PHACTR1: variants seen among roughly 807,000 people sequenced by gnomAD.
PHACTR1 encodes the protein phosphatase and actin regulator 1.
A neutral mutation model predicts 69.2 loss-of-function variants in PHACTR1; 16 were observed. That is an observed-to-expected ratio of 0.23 (90% CI 0.16 to 0.35). The LOEUF (loss-of-function observed/expected upper bound fraction) is 0.35. Among genes scored for constraint, PHACTR1 ranks in the 10% least tolerant of loss-of-function variants. The pLI is 1.00. For missense variants in PHACTR1, 510 were observed against 734.7 expected (o/e 0.69, Z 3.54); for synonymous variants, 312 against 284.5 (o/e 1.10, Z -0.97).
chr6:13,153,025 AC>A (rs1356357863), intron 5 of PHACTR1, among the ~76,000 whole-genome samples: 1 of 152,138 alleles, frequency 6.6e-6, no homozygotes, highest in Non-Finnish European at 1.5e-5. Context: ...CTGGGAATGT[AC>A]TAGCTCATTA....
chr6:13,111,859 A>G (rs2127908077), intron 5 of PHACTR1, among the ~76,000 whole-genome samples: 1 of 151,874 alleles, frequency 6.6e-6, no homozygotes, highest in Admixed American at 6.6e-5. Flanking sequence ...TAGCTCTAGG[A>G]TATTTACTAA....
At chr6:12,763,558 G>A (rs947853095) in intron 4 of PHACTR1, among the ~76,000 whole-genome samples, 10 of 152,212 alleles carry the variant, frequency 6.6e-5, no homozygotes, top group African/African-American at 2.2e-4. Context: ...ATCAAAGACA[G>A]TGAAGTGAAA....
At chr6:13,268,794 C>A (rs948554219) in intron 10 of PHACTR1, among the ~76,000 whole-genome samples, 7 of 152,180 alleles carry the variant, frequency 4.6e-5, no homozygotes, top group Admixed American at 4.6e-4. Flanking sequence ...ATAGCACAGG[C>A]CCTTCTGGCG....
chr6:12,997,603 A>T (rs991727046), intron 4 of PHACTR1, among the ~76,000 whole-genome samples: 1 of 152,108 alleles, frequency 6.6e-6, no homozygotes, highest in Non-Finnish European at 1.5e-5. Flanking sequence ...CACCTCAAAC[A>T]TTTATCATTT....
chr6:12,992,670 C>T (rs899291441), intron 4 of PHACTR1, among the ~76,000 whole-genome samples: 3 of 152,022 alleles, frequency 2.0e-5, no homozygotes, highest in East Asian at 3.9e-4. Flanking sequence ...AAATTGAGGA[C>T]GCAGATGCAC....
Position 13,137,934 on chromosome 6 carries a change from T to C in PHACTR1, c.416-22270T>C, listed in dbSNP as rs72823006. On this transcript the variant is annotated intron_variant, in intron 5 of 14. Coordinates refer to ENST00000332995, the MANE Select transcript of PHACTR1 (RefSeq NM_030948.6). ...CCTCTTGTGTCCTGAGCATTAAAGA[T>C]AGAGCAGTTTCCCCTGAAGGCAGCA... Among the ~76,000 whole-genome samples, 344 of 152,282 alleles carry C rather than the reference T, an allele frequency of 2.3e-3. 1 individual carries two copies. The highest frequency in any genetic ancestry group is 6.8e-3 in the Middle Eastern group (2 of 294).
At chr6:12,821,483 AAGAGAG>A (rs138381209) in intron 4 of PHACTR1, among the ~76,000 whole-genome samples, 6 of 95,846 alleles carry the variant, frequency 6.3e-5, no homozygotes, top group Admixed American at 1.2e-4. Flanking sequence ...AAAAAAAAAA[AAGAGAG>A]AGAGAGAGAG....
intron 5 of PHACTR1, among the ~76,000 whole-genome samples, chr6:13,096,382 C>T (rs1260606866): frequency 6.6e-6 from 1 of 152,184 alleles, no homozygotes; most frequent in East Asian, 1.9e-4. Flanking sequence ...TTCAAATACA[C>T]AGGCTAATTA....
At chr6:13,149,609 G>A (rs887769841) in intron 5 of PHACTR1, among the ~76,000 whole-genome samples, 7 of 152,074 alleles carry the variant, frequency 4.6e-5, no homozygotes, top group Admixed American at 2.0e-4. Flanking sequence ...TTTTGTTCAC[G>A]TCGACTCTGC....
intron 4 of PHACTR1, among the ~76,000 whole-genome samples, chr6:12,949,651 G>T (rs1022014448): frequency 6.6e-6 from 1 of 152,114 alleles, no homozygotes; most frequent in Non-Finnish European, 1.5e-5. Flanking sequence ...TAAATTTAAA[G>T]AATATATAAA....
At chr6:13,261,817 G>T (rs1333044210) in intron 10 of PHACTR1, among the ~76,000 whole-genome samples, 1 of 152,204 alleles carries the variant, frequency 6.6e-6, no homozygotes, top group East Asian at 1.9e-4. Context: ...TAACGTTAGG[G>T]ATTATTGTCA....
intron 4 of PHACTR1, among the ~76,000 whole-genome samples, chr6:12,788,332 T>C (rs1771807561): frequency 6.6e-6 from 1 of 152,148 alleles, no homozygotes; most frequent in Non-Finnish European, 1.5e-5. Flanking sequence ...CTAGAGGCCA[T>C]GGTCAGGAGA....
chr6:12,901,743 G>A (rs1163739512), intron 4 of PHACTR1, among the ~76,000 whole-genome samples: 3 of 152,200 alleles, frequency 2.0e-5, no homozygotes, highest in Middle Eastern at 3.4e-3. Context: ...TGATCCACCC[G>A]CCTTAGCCTC....
At chr6:12,845,055 T>A (rs958762103) in intron 4 of PHACTR1, among the ~76,000 whole-genome samples, 1 of 152,206 alleles carries the variant, frequency 6.6e-6, no homozygotes, top group Non-Finnish European at 1.5e-5. Flanking sequence ...AATAAAGCCA[T>A]AATGGTATAC....
At chr6:12,961,237 A>G (rs1338116051) in intron 4 of PHACTR1, among the ~76,000 whole-genome samples, 4 of 152,236 alleles carry the variant, frequency 2.6e-5, no homozygotes, top group African/African-American at 9.6e-5. Context: ...TCTAAAATTA[A>G]GAGAAACAAA....
At chr6:13,276,089 G>GT (rs1778833673) in intron 11 of PHACTR1, 1 of 146,750 alleles carries the variant, frequency 6.8e-6, no homozygotes, top group South Asian at 2.3e-4. Context: ...TGGCTGACTA[G>GT]TTTAATGGGC....
chr6:13,088,522 T>G (rs1029376780), intron 5 of PHACTR1, among the ~76,000 whole-genome samples: 4 of 152,192 alleles, frequency 2.6e-5, no homozygotes, highest in Non-Finnish European at 5.9e-5. Context: ...CCAAACTTTT[T>G]TTGAGTAATG....
intron 4 of PHACTR1, among the ~76,000 whole-genome samples, chr6:12,942,594 A>C (rs1310752536): frequency 6.6e-6 from 1 of 152,054 alleles, no homozygotes; most frequent in Non-Finnish European, 1.5e-5. Context: ...AGGAGGCGGC[A>C]GGTTCAGTGA....
At chr6:13,022,266 C>T (rs1011753147) in intron 4 of PHACTR1, among the ~76,000 whole-genome samples, 1 of 152,170 alleles carries the variant, frequency 6.6e-6, no homozygotes, top group Non-Finnish European at 1.5e-5. Context: ...AATGAGGAGG[C>T]CGAGGGGACC....
Sources: gnomAD v4.1 joint callset for allele counts (sites outside exome capture counted in the v4.1 genomes callset) on GRCh38, gnomAD v4.1.1 for gene constraint, MANE v1.5 for transcripts, NCBI Gene and HGNC (gene_info 2026-07-23, HGNC 2026-07-21) for gene names.